The following USP43 variants were observed in gnomAD, a reference collection of about 807,000 sequenced individuals.
USP43 encodes ubiquitin carboxyl-terminal hydrolase 43.
Under a neutral mutation model 90.7 loss-of-function variants are expected in USP43, and 33 were observed. The ratio of observed to expected loss-of-function variants is 0.36; its 90% CI spans 0.28 to 0.49. The LOEUF (loss-of-function observed/expected upper bound fraction) is 0.49. Among genes scored for constraint, USP43 ranks in the 20% least tolerant of loss-of-function variants. The pLI, the probability that USP43 is intolerant of heterozygous loss-of-function variation, is 0.98. For missense variants in USP43, 1,274 were observed against 1,476.4 expected (o/e 0.86, Z 2.25); for synonymous variants, 598 against 615.8 (o/e 0.97, Z 0.43).
chr17:9,698,011 A>T (rs984306743), intron 9 of USP43, among the ~76,000 whole-genome samples: 3 of 151,994 alleles, frequency 2.0e-5, no homozygotes, highest in African/African-American at 7.2e-5. Flanking sequence ...TTATTTTCTG[A>T]CCTTCTAATA....
chr17:9,652,527 A>C (rs1483738887), intron 1 of USP43, among the ~76,000 whole-genome samples: 1 of 151,918 alleles, frequency 6.6e-6, no homozygotes, highest in African/African-American at 2.4e-5. Flanking sequence ...ACGTCCGGCT[A>C]ATTTTTTGTA....
At chr17:9,683,615 T>C (rs1914430560) in intron 7 of USP43, among the ~76,000 whole-genome samples, 1 of 152,204 alleles carries the variant, frequency 6.6e-6, no homozygotes, top group African/African-American at 2.4e-5. Flanking sequence ...ACATCATTTT[T>C]ATCATGTAAT....
intron 12 of USP43, among the ~76,000 whole-genome samples, chr17:9,704,757 C>G (rs1443052278): frequency 6.7e-6 from 1 of 149,774 alleles, no homozygotes; most frequent in Non-Finnish European, 1.5e-5. Context: ...CCCCCTGCAA[C>G]CCCCCCACCT....
At chr17:9,659,032 T>G (rs1448154896) in intron 2 of USP43, among the ~76,000 whole-genome samples, 1 of 152,146 alleles carries the variant, frequency 6.6e-6, no homozygotes, top group African/African-American at 2.4e-5. Flanking sequence ...TGGGTGCAGC[T>G]GGGTTGCATG....
chr17:9,728,679 C>A lies in USP43; in HGVS notation c.3061C>A (p.Pro1021Thr). Residue 1021 changes from proline to threonine, a missense_variant, in exon 15 of 15, where the codon CCC becomes ACC. By Grantham distance (38) the Pro-to-Thr change is conservative (BLOSUM62 -1). Coordinates refer to ENST00000285199, the MANE Select transcript of USP43 (RefSeq NM_153210.5). The surrounding 1 kb of genome is among the most constrained non-coding windows in gnomAD (Gnocchi z 6.2). ...GAGGGCAGAGGTCTCTCCACAGGTG[C>A]CCCCCGTCTCCCTGGTGAGTGGCGG... Reference protein sequence around the residue: ...NERAEVSPQVPPVSLVSGGLS... With the variant: ...NERAEVSPQVTPVSLVSGGLS... The A allele has an allele frequency of 6.2e-7, 1 of 1,612,230 alleles. No individual in the cohort carries two copies. The highest frequency in any genetic ancestry group is 8.5e-7 in the Non-Finnish European group (1 of 1,179,232).
chr17:9,706,751 C>A (rs1915906370), intron 12 of USP43, among the ~76,000 whole-genome samples: 1 of 141,650 alleles, frequency 7.1e-6, no homozygotes, highest in African/African-American at 2.6e-5. Flanking sequence ...TCTAGTGATT[C>A]TCCTGCCTCA....
At chr17:9,682,984 A>C (rs748029086) in intron 7 of USP43, 26 bp downstream of exon 7, 1 of 1,607,330 alleles carries the variant, frequency 6.2e-7, no homozygotes, top group East Asian at 2.2e-5. Flanking sequence ...TTCTTTTTTC[A>C]TGTGGTGTCT....
At chr17:9,665,383 A>G (rs1912969301) in intron 2 of USP43, among the ~76,000 whole-genome samples, 2 of 152,212 alleles carry the variant, frequency 1.3e-5, no homozygotes, top group Non-Finnish European at 2.9e-5. Flanking sequence ...GGGAGGCCTC[A>G]GGAAACTTAC....
chr17:9,650,104 T>C (rs915001493), intron 1 of USP43, among the ~76,000 whole-genome samples: 19 of 152,184 alleles, frequency 1.2e-4, no homozygotes, highest in South Asian at 4.1e-4. Context: ...CAGTAAGACA[T>C]AAAATGGAAA....
At chr17:9,714,972 G>A (rs1316435653) in intron 14 of USP43, among the ~76,000 whole-genome samples, 2 of 152,222 alleles carry the variant, frequency 1.3e-5, no homozygotes, top group African/African-American at 4.8e-5. Context: ...TGGAGAGAAG[G>A]GAGGCCTGCC....
chr17:9,713,203 C>A (rs547549440), intron 14 of USP43, among the ~76,000 whole-genome samples: 2 of 152,130 alleles, frequency 1.3e-5, no homozygotes, highest in South Asian at 2.1e-4. Flanking sequence ...ATACTCCTTC[C>A]TCAGCCTCTA....
At position 9,709,841 on chromosome 17, in the gene USP43, CTG is replaced by C; in HGVS notation, c.2012-113_2012-112del. The C allele has an allele frequency of 8.7e-7, 1 of 1,144,030 alleles. No individual in the cohort carries two copies. Among genetic ancestry groups the C allele is most frequent in the Non-Finnish European group, 1.1e-6 (1 of 890,384 alleles). 70.9% of individuals were successfully genotyped at this position (1,144,030 alleles called of 1,614,324 possible). On this transcript the variant is annotated intron_variant, in intron 12 of 14. Transcript: ENST00000285199. The surrounding 1 kb of genome is among the most constrained non-coding windows in gnomAD (Gnocchi z 5.0). Reference sequence around the variant, plus strand: ...AAATTCATTTCTGGCCAAAAATGGACTGTTTTTTTCTCATTCTGGTTTAAACA... The same window carrying C: ...AAATTCATTTCTGGCCAAAAATGGACTTTTTTTCTCATTCTGGTTTAAACA...
At chr17:9,680,854 T>G (rs1914117658) in intron 6 of USP43, among the ~76,000 whole-genome samples, 1 of 151,544 alleles carries the variant, frequency 6.6e-6, no homozygotes, top group Non-Finnish European at 1.5e-5. Flanking sequence ...TTAAATGACT[T>G]TTTAACAAAA....
Position 9,705,740 on chromosome 17 carries a change from T to G in USP43, c.2011+4040T>G, listed in dbSNP as rs553403016. ...CTGCACTCCAGCCTGGGTGAGAGAG[T>G]GAGACTCTGTCTCAAAAAAAAAAAA... On this transcript the variant is annotated intron_variant, in intron 12 of 14. Coordinates refer to ENST00000285199, the MANE Select transcript of USP43 (RefSeq NM_153210.5). Among the ~76,000 whole-genome samples, 10 of 147,654 alleles carry G rather than the reference T, an allele frequency of 6.8e-5. 1 individual carries two copies. Among genetic ancestry groups the G allele is most frequent in the African/African-American group, 2.5e-4 (10 of 40,092 alleles).
intron 2 of USP43, among the ~76,000 whole-genome samples, chr17:9,665,799 A>G (rs889927206): frequency 6.6e-6 from 1 of 152,206 alleles, no homozygotes; most frequent in Non-Finnish European, 1.5e-5. Flanking sequence ...GGAGAAAGCT[A>G]TGTGAAGACA....
intron 2 of USP43, among the ~76,000 whole-genome samples, chr17:9,665,786 A>G (rs1362581608): frequency 6.6e-6 from 1 of 152,212 alleles, no homozygotes; most frequent in Non-Finnish European, 1.5e-5. Flanking sequence ...TGAGACACAC[A>G]CAGGAGAAAG....
chr17:9,705,814 T>C (rs1163851862), intron 12 of USP43, among the ~76,000 whole-genome samples: 1 of 151,646 alleles, frequency 6.6e-6, no homozygotes, highest in Non-Finnish European at 1.5e-5. Flanking sequence ...AACACAAATA[T>C]TGCTGTGATA....
At chr17:9,685,398 A>T (rs9906593) in intron 7 of USP43, among the ~76,000 whole-genome samples, 1 of 152,008 alleles carries the variant, frequency 6.6e-6, no homozygotes, top group African/African-American at 2.4e-5. Context: ...ATACCATCCC[A>T]GTGATGAGAA....
At position 9,692,819 on chromosome 17, in the gene USP43, T is replaced by A. The variant is rs1218148466; in HGVS notation, c.1354-308T>A. On this transcript the variant is annotated intron_variant, in intron 8 of 14. Transcript: ENST00000285199. ...AAAATTAATTAACATGATTGATTTA[T>A]GTTCCATTACATGTACCAGTATCTG... is the stretch of plus-strand genomic sequence containing the variant. 2.6e-5 allele frequency among the ~76,000 whole-genome samples: 4 copies of A among 152,248 alleles called. No homozygotes were observed. In the East Asian group the frequency reaches 7.7e-4, roughly 29 times the overall value.
Sources: gnomAD v4.1 joint callset for allele counts (sites outside exome capture counted in the v4.1 genomes callset) on GRCh38, gnomAD v4.1.1 for gene constraint, Gnocchi (gnomAD v3.1) non-coding constraint, MANE v1.5 for transcripts, NCBI Gene and HGNC (gene_info 2026-07-23, HGNC 2026-07-21) for gene names.